B4GALT6: variants seen among roughly 807,000 people sequenced by gnomAD.
The protein encoded by B4GALT6 is beta-1,4-galactosyltransferase 6, also known as UDP-Gal:beta-GlcNAc beta-1,4-galactosyltransferase 6.
In B4GALT6, 14 loss-of-function variants were observed where a neutral mutation model predicts 46.3. The ratio of observed to expected loss-of-function variants is 0.30; its 90% CI spans 0.20 to 0.47. The LOEUF is 0.47. Ranked by LOEUF, B4GALT6 falls within the 20% of genes least tolerant of loss-of-function variation. The probability of loss-of-function intolerance (pLI) is 0.99; values close to 1 mark genes in which losing one functional copy is unlikely to be tolerated. For missense variants in B4GALT6, 386 were observed against 480.1 expected, an observed-to-expected ratio of 0.80 and a Z score of 1.83; for synonymous variants, 168 against 162.0, an observed-to-expected ratio of 1.04 and a Z score of -0.28.
chr18:31,631,194 CA>C, intron 5 of B4GALT6, 48 bp from the exon 6 acceptor site: 1 of 1,101,400 alleles, frequency 9.1e-7, no homozygotes, highest in Non-Finnish European at 1.3e-6. Flanking sequence ...ACTCACACTT[CA>C]TCATCTTTTT....
the B4GALT6 span, among the ~76,000 whole-genome samples, chr18:31,705,695 C>G: frequency 6.6e-6 from 1 of 152,102 alleles, no homozygotes; most frequent in Non-Finnish European, 1.5e-5. Flanking sequence ...GCCCCTTTGA[C>G]TTTTGTGTGG....
intron 4 of B4GALT6, among the ~76,000 whole-genome samples, chr18:31,640,789 G>A (rs1378531040): frequency 6.6e-6 from 1 of 152,228 alleles, no homozygotes; most frequent in Non-Finnish European, 1.5e-5. Context: ...TATATACTGA[G>A]GGGCACTTAC....
chr18:31,683,795 A>G (rs902199932), intron 1 of B4GALT6, among the ~76,000 whole-genome samples: 1 of 152,122 alleles, frequency 6.6e-6, no homozygotes, highest in Admixed American at 6.5e-5. Flanking sequence ...AAATTCCCCA[A>G]GTATGGCACA....
At chr18:31,677,187 A>T (rs1776784736) in intron 1 of B4GALT6, among the ~76,000 whole-genome samples, 1 of 152,234 alleles carries the variant, frequency 6.6e-6, no homozygotes, top group African/African-American at 2.4e-5. Context: ...GAAAAAAAAT[A>T]AAACATTAAG....
At chr18:31,684,982 A>G (rs2074528901), upstream of B4GALT6, among the ~76,000 whole-genome samples, 1 of 146,764 alleles carries the variant, frequency 6.8e-6, no homozygotes, top group Non-Finnish European at 1.5e-5. Flanking sequence ...GCGCGGGGCT[A>G]GCGTGGGCGC....
At chr18:31,722,519 T>C in the B4GALT6 span, among the ~76,000 whole-genome samples, 1 of 152,180 alleles carries the variant, frequency 6.6e-6, no homozygotes, top group African/African-American at 2.4e-5. Context: ...CAATGAGTCT[T>C]CCTCAGTAGT....
chr18:31,638,093 T>C (rs1436174550), intron 5 of B4GALT6, among the ~76,000 whole-genome samples: 2 of 152,242 alleles, frequency 1.3e-5, no homozygotes, highest in African/African-American at 4.8e-5. Context: ...GACAATCCTA[T>C]ATTTAGAATA....
upstream of B4GALT6, among the ~76,000 whole-genome samples, chr18:31,689,258 C>A (rs2030029020): frequency 6.6e-6 from 1 of 152,124 alleles, no homozygotes; most frequent in South Asian, 2.1e-4. Context: ...TCAAGGCCAG[C>A]AAATCCTAGG....
At chr18:31,666,115 C>A (rs1181154701) in intron 2 of B4GALT6, 141 bp downstream of exon 2, 6 of 511,336 alleles carry the variant, frequency 1.2e-5, no homozygotes, top group Non-Finnish European at 1.8e-5. Flanking sequence ...TTGATTTGCA[C>A]AGTAAAATAA....
At chr18:31,666,569 CAAAAAA>C (rs906855620) in intron 1 of B4GALT6, among the ~76,000 whole-genome samples, 197 bp from the exon 2 acceptor site, 1 of 149,728 alleles carries the variant, frequency 6.7e-6, no homozygotes, top group Non-Finnish European at 1.5e-5. Context: ...AGAATAAAAA[CAAAAAA>C]AAAGTTGAAA....
At chr18:31,665,284 C>A (rs746123826) in intron 2 of B4GALT6, among the ~76,000 whole-genome samples, 44 of 152,314 alleles carry the variant, frequency 2.9e-4, no homozygotes, top group Non-Finnish European at 3.1e-4. Context: ...AATACCCTGG[C>A]AGACACTGTG....
chr18:31,708,748 T>C, the B4GALT6 span, among the ~76,000 whole-genome samples: 5 of 151,860 alleles, frequency 3.3e-5, no homozygotes, highest in South Asian at 2.1e-4. Flanking sequence ...TCTCCTTCCA[T>C]AGAAGGAAAA....
At chr18:31,696,151 C>T in the B4GALT6 span, among the ~76,000 whole-genome samples, 8 of 152,062 alleles carry the variant, frequency 5.3e-5, no homozygotes, top group Non-Finnish European at 1.0e-4. Context: ...ATCATGGGCA[C>T]ATGGAGAGCA....
intron 2 of B4GALT6, among the ~76,000 whole-genome samples, chr18:31,661,844 T>C (rs2074221509): frequency 6.6e-6 from 1 of 152,190 alleles, no homozygotes; most frequent in Non-Finnish European, 1.5e-5. Flanking sequence ...GGCAGAAAAA[T>C]ATCTACATTT....
At position 31,626,442 on chromosome 18, in the gene B4GALT6, T is replaced by C. The variant is rs958178564; in HGVS notation, c.900-58A>G. The C allele has an allele frequency of 3.9e-5, 39 of 1,000,324 alleles. No homozygotes were observed. In the African/African-American group the frequency reaches 5.6e-4, roughly 14 times the overall value. 62.0% of individuals were successfully genotyped at this position (1,000,324 alleles called of 1,614,324 possible). ...AGAAATAAAATATGAAAATGGGTTATGTGAGTTCAATTTTAAAACACAAAA... is the reference window on the plus strand; with the variant it reads ...AGAAATAAAATATGAAAATGGGTTACGTGAGTTCAATTTTAAAACACAAAA... On this transcript the variant is annotated intron_variant, in intron 7 of 8. Transcript: ENST00000306851.
chr18:31,646,573 C>A (rs149613009), intron 3 of B4GALT6, among the ~76,000 whole-genome samples: 75 of 152,334 alleles, frequency 4.9e-4, no homozygotes, highest in African/African-American at 1.7e-3. Flanking sequence ...GGAGCGCCCT[C>A]CAGCCAAATT....
At chr18:31,662,463 T>C (rs1274277502) in intron 2 of B4GALT6, among the ~76,000 whole-genome samples, 2 of 152,222 alleles carry the variant, frequency 1.3e-5, no homozygotes, top group South Asian at 2.1e-4. Flanking sequence ...ACCTACAACA[T>C]AGTAGGAACA....
intron 1 of B4GALT6, among the ~76,000 whole-genome samples, chr18:31,679,495 T>C (rs992609283): frequency 6.6e-6 from 1 of 152,202 alleles, no homozygotes; most frequent in Middle Eastern, 3.2e-3. Flanking sequence ...GCAAATCCCA[T>C]CGGATACTTT....
intron 1 of B4GALT6, among the ~76,000 whole-genome samples, chr18:31,677,433 G>A (rs1240760432): frequency 6.6e-6 from 1 of 152,186 alleles, no homozygotes; most frequent in Non-Finnish European, 1.5e-5. Flanking sequence ...GGATGTAAAT[G>A]CTGAAGAAAA....
Sources: gnomAD v4.1 joint callset for allele counts (sites outside exome capture counted in the v4.1 genomes callset) on GRCh38, gnomAD v4.1.1 for gene constraint, MANE v1.5 for transcripts, NCBI Gene and HGNC (gene_info 2026-07-23, HGNC 2026-07-21) for gene names.